The following KCNMB2 variants were observed in gnomAD, a reference collection of about 807,000 sequenced individuals.
KCNMB2 encodes the protein potassium calcium-activated channel subfamily M regulatory beta subunit 2.
In KCNMB2, 9 loss-of-function variants were observed where a neutral mutation model predicts 24.5. The observed-to-expected ratio is 0.37, with a 90% CI of 0.22 to 0.64. The LOEUF (loss-of-function observed/expected upper bound fraction) is 0.64, where lower values mean the gene tolerates loss of function less well. KCNMB2 is among the 30% of genes least tolerant of loss of function. The probability of loss-of-function intolerance (pLI) is 0.63; values close to 1 mark genes in which losing one functional copy is unlikely to be tolerated. For missense variants in KCNMB2, 226 were observed against 284.3 expected (o/e 0.79, Z 1.47); for synonymous variants, 109 against 104.4 (o/e 1.04, Z -0.27).
At chr3:178,683,094 C>CAT (rs1357260416) in intron 1 of KCNMB2, among the ~76,000 whole-genome samples, 1 of 151,970 alleles carries the variant, frequency 6.6e-6, no homozygotes, top group Non-Finnish European at 1.5e-5. Context: ...ACCATGGTAC[C>CAT]CATCAACAGT....
chr3:178,814,300 C>T (rs1714318629), intron 2 of KCNMB2, among the ~76,000 whole-genome samples: 1 of 152,150 alleles, frequency 6.6e-6, no homozygotes, highest in African/African-American at 2.4e-5. Context: ...CAGCCTCCCG[C>T]TGCAAATGAC....
chr3:178,564,469 C>A (rs1716443495), intron 1 of KCNMB2, among the ~76,000 whole-genome samples: 1 of 152,120 alleles, frequency 6.6e-6, no homozygotes, highest in Admixed American at 6.5e-5. Flanking sequence ...GAGGAAAAAT[C>A]AGACCTATCT....
chr3:178,674,063 C>A (rs1720991749), intron 1 of KCNMB2, among the ~76,000 whole-genome samples: 2 of 152,094 alleles, frequency 1.3e-5, no homozygotes, highest in Non-Finnish European at 1.5e-5. Flanking sequence ...TGACTCTGTC[C>A]CCTCTTCATC....
At position 178,828,158 on chromosome 3, in the gene KCNMB2, T is replaced by C. The variant is rs1560038088; in HGVS notation, c.228-20T>C. 6.3e-7 allele frequency: 1 copy of C among 1,598,214 alleles called. No individual in the cohort carries two copies. The highest frequency in any genetic ancestry group is 8.6e-7 in the Non-Finnish European group (1 of 1,166,880). The stretch of plus-strand genomic sequence containing the variant: ...TATTAGCTCTTGGGCCTGTGTTTAC[T>C]CTCACCCCTTTCTCTGCAGCGTGTG... On this transcript the variant is annotated intron_variant, in intron 3 of 4. Coordinates refer to ENST00000452583, the MANE Select transcript of KCNMB2 (RefSeq NM_181361.3).
chr3:178,740,158 G>A (rs974057470), intron 1 of KCNMB2, among the ~76,000 whole-genome samples: 4 of 148,086 alleles, frequency 2.7e-5, no homozygotes, highest in South Asian at 4.3e-4. Flanking sequence ...TTGCTCTGTC[G>A]CCCAGGCTGG....
At chr3:178,550,644 C>G (rs77705427) in intron 1 of KCNMB2, among the ~76,000 whole-genome samples, 1 of 151,862 alleles carries the variant, frequency 6.6e-6, no homozygotes, top group Non-Finnish European at 1.5e-5. Flanking sequence ...AAAAATATTA[C>G]GAACAGAAGC....
intron 1 of KCNMB2, among the ~76,000 whole-genome samples, chr3:178,546,854 G>A: frequency 6.6e-6 from 1 of 152,214 alleles, no homozygotes; most frequent in East Asian, 1.9e-4. Flanking sequence ...AAGAACAAGA[G>A]TGGATGCCAA....
chr3:178,742,376 T>C (rs538040258), intron 1 of KCNMB2, among the ~76,000 whole-genome samples: 2 of 152,344 alleles, frequency 1.3e-5, no homozygotes, highest in East Asian at 3.9e-4. Flanking sequence ...TTTCGTGCTG[T>C]AAGGATCATG....
At chr3:178,576,317 C>T (rs1348985196) in intron 1 of KCNMB2, among the ~76,000 whole-genome samples, 2 of 152,116 alleles carry the variant, frequency 1.3e-5, no homozygotes, top group East Asian at 3.9e-4. Flanking sequence ...GGCCCAGATA[C>T]TGCTCTTTTC....
At chr3:178,808,506 GA>G (rs959013364) in intron 2 of KCNMB2, among the ~76,000 whole-genome samples, 2 of 152,174 alleles carry the variant, frequency 1.3e-5, no homozygotes, top group African/African-American at 4.8e-5. Context: ...AGGTTTGCCT[GA>G]ATACTGTTTT....
At chr3:178,738,635 C>T (rs890390042) in intron 1 of KCNMB2, among the ~76,000 whole-genome samples, 1 of 151,992 alleles carries the variant, frequency 6.6e-6, no homozygotes, top group African/African-American at 2.4e-5. Flanking sequence ...CAACTTAAAG[C>T]CCCATTTTTG....
chr3:178,739,724 C>T (rs1373513127), intron 1 of KCNMB2, among the ~76,000 whole-genome samples: 1 of 152,112 alleles, frequency 6.6e-6, no homozygotes, highest in Non-Finnish European at 1.5e-5. Context: ...GTCACAATCT[C>T]TAACGCTTAC....
intron 1 of KCNMB2, among the ~76,000 whole-genome samples, chr3:178,715,366 T>G (rs1722586262): frequency 8.2e-6 from 1 of 121,526 alleles, no homozygotes; most frequent in African/African-American, 3.9e-5. Flanking sequence ...TGTTTTTTGG[T>G]TTTTTTTTTT....
intron 1 of KCNMB2, among the ~76,000 whole-genome samples, chr3:178,736,010 G>C (rs1458893321): frequency 6.6e-6 from 1 of 152,058 alleles, no homozygotes; most frequent in Non-Finnish European, 1.5e-5. Flanking sequence ...CTACACATTT[G>C]GCACATTTCA....
At chr3:178,749,560 C>T (rs1577147184) in intron 1 of KCNMB2, among the ~76,000 whole-genome samples, 1 of 152,232 alleles carries the variant, frequency 6.6e-6, no homozygotes, top group Non-Finnish European at 1.5e-5. Context: ...AGATACTGTT[C>T]TGTGCCATCT....
In KCNMB2 at chr3:178,843,756, T is replaced by C. The variant is rs903908772; in HGVS notation, c.*819T>C. 6.6e-6 allele frequency: 1 copy of C among 152,200 alleles called. No homozygotes were observed. Among genetic ancestry groups the C allele is most frequent in the Admixed American group, 6.5e-5 (1 of 15,274 alleles). The allele number at this position is 152,200 out of a possible 1,614,324, so 9.4% of individuals were successfully genotyped here. On this transcript the variant is annotated 3_prime_UTR_variant, in exon 5 of 5. Transcript: ENST00000452583. ...ATTTGTGTGGAAATCTTTATTTCAC[T>C]TCAATTTAACCATTAGATGGTAAAA... is the stretch of plus-strand genomic sequence containing the variant.
At chr3:178,595,059 C>A (rs370162092) in intron 1 of KCNMB2, among the ~76,000 whole-genome samples, 324 of 123,604 alleles carry the variant, frequency 2.6e-3, no homozygotes, top group Middle Eastern at 9.4e-3. Flanking sequence ...ACAGTATTTG[C>A]AAAAAAAAAA....
chr3:178,759,743 A>C (rs1172442787), intron 1 of KCNMB2, among the ~76,000 whole-genome samples: 1 of 26,810 alleles, frequency 3.7e-5, no homozygotes, highest in Non-Finnish European at 5.9e-5. Context: ...TATATATCCA[A>C]GAGGATATAT....
chr3:178,626,908 T>C (rs1459913720), intron 1 of KCNMB2, among the ~76,000 whole-genome samples: 1 of 148,858 alleles, frequency 6.7e-6, no homozygotes, highest in East Asian at 1.9e-4. Context: ...TAAGTATATA[T>C]ATAAGTATAT....
Sources: gnomAD v4.1 joint callset for allele counts (sites outside exome capture counted in the v4.1 genomes callset) on GRCh38, gnomAD v4.1.1 for gene constraint, MANE v1.5 for transcripts, NCBI Gene and HGNC (gene_info 2026-07-23, HGNC 2026-07-21) for gene names.